EPB41: variants seen among roughly 807,000 people sequenced by gnomAD.
EPB41 encodes erythrocyte membrane protein band 4.1, also known as protein 4.1.
Under a neutral mutation model 108.0 loss-of-function variants are expected in EPB41, and 65 were observed. The ratio of observed to expected loss-of-function variants is 0.60; its 90% CI spans 0.49 to 0.74. EPB41 has a LOEUF of 0.74. Ranked by LOEUF, EPB41 falls within the 30% of genes least tolerant of loss-of-function variation. The pLI is 0.00. For missense variants in EPB41, 875 were observed against 1,037.0 expected, an observed-to-expected ratio of 0.84 and a Z score of 2.15; for synonymous variants, 336 against 358.9, an observed-to-expected ratio of 0.94 and a Z score of 0.72.
chr1:28,897,644 G>T, intron 1 of EPB41, among the ~76,000 whole-genome samples: 1 of 23,074 alleles, frequency 4.3e-5, no homozygotes, highest in East Asian at 4.0e-3. Flanking sequence ...GGAGAGGAGG[G>T]GAGAGGAGGG....
intron 16 of EPB41, chr1:29,071,873 T>C (rs986964763): frequency 4.6e-5 from 7 of 152,222 alleles, no homozygotes; most frequent in Admixed American, 3.3e-4. Context: ...ACTAAGATTA[T>C]TATACTTTGT....
rs1192491736 is a variant in EPB41, at chr1:29,118,516, A to G, written c.*1704A>G. 1.3e-5 allele frequency: 2 copies of G among 152,250 alleles called. No individual in the cohort carries two copies. Among genetic ancestry groups the G allele is most frequent in the African/African-American group, 4.8e-5 (2 of 41,464 alleles). 9.4% of individuals were successfully genotyped at this position (152,250 alleles called of 1,614,324 possible). ...CCAGTTCCAGCTTCCTAAAATAGAC[A>G]GTGGGTATCGGGCAGCAGTCACTGG... On this transcript the variant is annotated 3_prime_UTR_variant, in exon 21 of 21. Coordinates refer to ENST00000343067, the MANE Select transcript of EPB41 (RefSeq NM_001376013.1).
chr1:29,018,491 T>A lies in EPB41; in HGVS notation c.1124+49T>A. On this transcript the variant is annotated intron_variant, in intron 7 of 20. Coordinates refer to ENST00000343067, the MANE Select transcript of EPB41 (RefSeq NM_001376013.1). This position sits in a 1 kb window ranked among gnomAD's most constrained non-coding sequence, Gnocchi z 4.4. ...TCGGTGTTTGTTTTGGCGATTAGTT[T>A]AAACACAACATGGTATTGGTTCATT... 1 of 1,432,668 alleles carries A rather than the reference T, an allele frequency of 7.0e-7. No homozygotes were observed. The highest frequency in any genetic ancestry group is 9.3e-7 in the Non-Finnish European group (1 of 1,078,412). The allele number at this position is 1,432,668 out of a possible 1,614,324, so 88.7% of individuals were successfully genotyped here.
intron 1 of EPB41, among the ~76,000 whole-genome samples, chr1:28,924,247 T>C (rs1050353160): frequency 6.6e-6 from 1 of 152,210 alleles, no homozygotes; most frequent in Non-Finnish European, 1.5e-5. Context: ...TGAAAGCCCC[T>C]GGCCGGGTGC....
intron 16 of EPB41, among the ~76,000 whole-genome samples, chr1:29,066,991 T>A (rs1026609910): frequency 1.6e-4 from 25 of 151,750 alleles, no homozygotes; most frequent in East Asian, 3.9e-4. Flanking sequence ...TTTTTTTTTT[T>A]AAATTTTCAG....
chr1:29,089,338 G>A (rs1264870197), intron 16 of EPB41, among the ~76,000 whole-genome samples: 1 of 152,214 alleles, frequency 6.6e-6, no homozygotes, highest in Non-Finnish European at 1.5e-5. Context: ...GGACAAAGAA[G>A]AAGTTCTCAA....
At chr1:28,939,807 G>T (rs759349411) in intron 1 of EPB41, among the ~76,000 whole-genome samples, 4 of 152,104 alleles carry the variant, frequency 2.6e-5, no homozygotes, top group Non-Finnish European at 4.4e-5. Context: ...CCTAGTATCA[G>T]TTATCTATTG....
chr1:29,112,190 G>A (rs1331124557), intron 18 of EPB41, among the ~76,000 whole-genome samples, 178 bp from the exon 19 acceptor site: 1 of 151,918 alleles, frequency 6.6e-6, no homozygotes, highest in Non-Finnish European at 1.5e-5. Context: ...TAATAGAGAC[G>A]AGGTCTCATT....
At chr1:28,997,705 G>T (rs2096212871) in intron 4 of EPB41, among the ~76,000 whole-genome samples, 1 of 151,440 alleles carries the variant, frequency 6.6e-6, no homozygotes, top group Non-Finnish European at 1.5e-5. Flanking sequence ...ATATTATAAT[G>T]ACATATCATA....
intron 16 of EPB41, among the ~76,000 whole-genome samples, chr1:29,073,952 T>G (rs935706800): frequency 1.3e-5 from 2 of 152,192 alleles, no homozygotes; most frequent in Non-Finnish European, 2.9e-5. Context: ...CCAATTCACT[T>G]TCTCCTAGTT....
intron 17 of EPB41, among the ~76,000 whole-genome samples, chr1:29,106,564 A>ATTTT (rs1187973613): frequency 0.091 from 4,638 of 50,784 alleles, 1,550 homozygotes; most frequent in Non-Finnish European, 0.12. Flanking sequence ...AGTAGCTGGG[A>ATTTT]TTTTTTTTTT....
At chr1:28,989,712 G>GGT (rs2095960653) in intron 2 of EPB41, among the ~76,000 whole-genome samples, 1 of 152,174 alleles carries the variant, frequency 6.6e-6, no homozygotes, top group African/African-American at 2.4e-5. Context: ...TCCGACTAGA[G>GGT]GGTTCAAATC....
chr1:28,957,963 T>G (rs1445048425), intron 1 of EPB41, among the ~76,000 whole-genome samples: 1 of 152,068 alleles, frequency 6.6e-6, no homozygotes, highest in Non-Finnish European at 1.5e-5. Flanking sequence ...ATGTGTTACT[T>G]TTTAATTTAA....
chr1:29,021,245 T>C (rs980595696), intron 7 of EPB41, among the ~76,000 whole-genome samples: 1 of 152,182 alleles, frequency 6.6e-6, no homozygotes, highest in Non-Finnish European at 1.5e-5. Context: ...ATTATTTTTG[T>C]AATAATGCTA....
At chr1:28,971,185 T>C (rs1408391147) in intron 1 of EPB41, among the ~76,000 whole-genome samples, 1 of 129,596 alleles carries the variant, frequency 7.7e-6, no homozygotes, top group African/African-American at 3.1e-5. Flanking sequence ...TCTTTCTTTT[T>C]TTTTTTTTTT....
intron 16 of EPB41, among the ~76,000 whole-genome samples, chr1:29,087,040 G>T (rs1659296570): frequency 6.7e-6 from 1 of 150,282 alleles, no homozygotes; most frequent in Admixed American, 6.7e-5. Context: ...CGCCTCCTGG[G>T]TTCACGCCAT....
chr1:28,929,351 A>G (rs150086), intron 1 of EPB41, among the ~76,000 whole-genome samples: 67,136 of 148,670 alleles, frequency 0.45, 17,512 homozygotes, highest in East Asian at 0.85. Flanking sequence ...TCAGCCTCCC[A>G]AGTAGCTGGA....
At chr1:28,954,873 G>A (rs988943982) in intron 1 of EPB41, among the ~76,000 whole-genome samples, 8 of 152,134 alleles carry the variant, frequency 5.3e-5, no homozygotes, top group African/African-American at 1.4e-4. Context: ...GACCCCGTTC[G>A]TGTGATACGA....
chr1:28,970,343 C>T (rs890682348), intron 1 of EPB41, among the ~76,000 whole-genome samples: 1 of 152,004 alleles, frequency 6.6e-6, no homozygotes, highest in African/African-American at 2.4e-5. Flanking sequence ...GTGAAATTTA[C>T]TAAAATAGTC....
Sources: allele counts gnomAD v4.1 joint callset (sites outside exome capture counted in the v4.1 genomes callset), GRCh38; gene constraint gnomAD v4.1.1; non-coding constraint Gnocchi (gnomAD v3.1); transcripts MANE v1.5; gene names NCBI Gene and HGNC (gene_info 2026-07-23, HGNC 2026-07-21).